Variants in TET3 observed in about 807,000 individuals in gnomAD.
TET3 encodes methylcytosine dioxygenase TET3.
Under a neutral mutation model 141.4 loss-of-function variants are expected in TET3, and 19 were observed. The observed-to-expected ratio is 0.13, with a 90% CI of 0.09 to 0.20. The LOEUF (loss-of-function observed/expected upper bound fraction) is 0.20, where lower values mean the gene tolerates loss of function less well. Ranked by LOEUF, TET3 falls within the 10% of genes least tolerant of loss-of-function variation. The pLI, the probability that TET3 is intolerant of heterozygous loss-of-function variation, is 1.00. For synonymous variants in TET3, 1,043 were observed against 980.9 expected (o/e 1.06, Z -1.18); for missense variants, 1,874 against 2,356.9 (o/e 0.80, Z 4.24).
chr2:73,983,845 A>T (rs1183125935), upstream of TET3, among the ~76,000 whole-genome samples: 2 of 152,192 alleles, frequency 1.3e-5, no homozygotes, highest in Non-Finnish European at 2.9e-5. Context: ...TGTATGTCAG[A>T]GACCCACCCT....
In TET3 at chr2:74,101,063, G is replaced by A. The variant is rs760464855; in HGVS notation, c.4275G>A (p.Val1425=). Residue 1425 remains valine, a synonymous_variant, in exon 12 of 12, where the codon GTG becomes GTA. Transcript: ENST00000409262. The surrounding 1 kb of genome is among the most constrained non-coding windows in gnomAD (Gnocchi z 8.5). ...GKMGKTPLSE[V]SQNGGPSHLW... is the part of the protein sequence containing the mutation. ...TGGGCAAGACACCTCTGTCCGAGGTGTCTCAGAATGGAGGACCCAGTCACC... is the reference window on the plus strand; with the variant it reads ...TGGGCAAGACACCTCTGTCCGAGGTATCTCAGAATGGAGGACCCAGTCACC... The A allele has an allele frequency of 1.9e-5, 31 of 1,612,618 alleles. No homozygotes were observed. In the East Asian group the frequency reaches 4.0e-4, roughly 21 times the overall value.
intron 8 of TET3, 102 bp downstream of exon 8, chr2:74,090,149 C>G: frequency 6.6e-7 from 1 of 1,505,342 alleles, no homozygotes; most frequent in Admixed American, 2.0e-5. Context: ...CTCAGATGCA[C>G]AGGAAGTGGA....
At chr2:73,997,337 ATTG>A in intron 2 of TET3, among the ~76,000 whole-genome samples, 1 of 152,070 alleles carries the variant, frequency 6.6e-6, no homozygotes, top group East Asian at 1.9e-4. Context: ...CTTATTTTTT[ATTG>A]ATTGATCTGC....
intron 3 of TET3, among the ~76,000 whole-genome samples, chr2:74,016,628 A>G (rs1685741811): frequency 6.6e-6 from 1 of 152,038 alleles, no homozygotes; most frequent in African/African-American, 2.4e-5. Flanking sequence ...AGGCTGAGGC[A>G]GGAGAATCGC....
chr2:74,101,095 G>T lies in TET3; in HGVS notation c.4307G>T (p.Gly1436Val), dbSNP rs1691181119. Residue 1436 changes from glycine (G) to valine (V), a missense_variant, in exon 12 of 12, where the codon GGA (glycine) becomes GTA (valine). Coordinates refer to ENST00000409262, the MANE Select transcript of TET3 (RefSeq NM_001287491.2). This position sits in a 1 kb window ranked among gnomAD's most constrained non-coding sequence, Gnocchi z 8.5. ...AATGGAGGACCCAGTCACCTTTGGGGACAGTACTCAGGAGGCCCAAGCATG... is the reference window on the plus strand; with the variant it reads ...AATGGAGGACCCAGTCACCTTTGGGTACAGTACTCAGGAGGCCCAAGCATG... ...SQNGGPSHLW[G>V]QYSGGPSMSP... 6.2e-7 allele frequency: 1 copy of T among 1,613,224 alleles called. No homozygotes were observed. Among genetic ancestry groups the T allele is most frequent in the East Asian group, 2.2e-5 (1 of 44,868 alleles).
At position 74,003,158 on chromosome 2, in the gene TET3, G is replaced by A. The variant is rs1184354651; in HGVS notation, c.352G>A (p.Ala118Thr). 2 of 1,550,046 alleles carry A rather than the reference G, an allele frequency of 1.3e-6. No individual in the cohort carries two copies. Among genetic ancestry groups the A allele is most frequent in the East Asian group, 4.9e-5 (2 of 40,934 alleles). Residue 118 changes from alanine to threonine, a missense_variant, in exon 3 of 12, where the codon GCT becomes ACT. Around this residue, in one of 10 missense-constraint regions of TET3, gnomAD observed 366 missense variants for 487.0 expected, o/e 0.75. Coordinates refer to ENST00000409262, the MANE Select transcript of TET3 (RefSeq NM_001287491.2). Reference sequence around the variant, plus strand: ...AGCCGGGCCGTGGGGACAAGGAGCGGCTGTCAAGGTACCTTGTGTGTGTGC... The same window carrying A: ...AGCCGGGCCGTGGGGACAAGGAGCGACTGTCAAGGTACCTTGTGTGTGTGC... ...EGAGPWGQGA[A>T]VKTGSELSPV...
intron 3 of TET3, among the ~76,000 whole-genome samples, chr2:74,031,965 C>T (rs1227404805): frequency 6.6e-6 from 1 of 152,208 alleles, no homozygotes; most frequent in East Asian, 1.9e-4. Context: ...TGCCACTCAC[C>T]AATTCTGAGC....
chr2:74,102,683 G>C lies in TET3; in HGVS notation c.*507G>C, dbSNP rs1047141090. ...CCCGCCCAGTCTCGCTGGGTCTGGC[G>C]AGCCAAGCCCCTCGGGCGCTGGCGA... On this transcript the variant is annotated 3_prime_UTR_variant, in exon 12 of 12. Transcript: ENST00000409262. The C allele has an allele frequency of 6.6e-6, 1 of 152,128 alleles. No homozygotes were observed. Among genetic ancestry groups the C allele is most frequent in the East Asian group, 1.9e-4 (1 of 5,180 alleles). The allele number at this position is 152,128 out of a possible 1,614,324, so 9.4% of individuals were successfully genotyped here. A position where few individuals can be genotyped will look rare whatever the true frequency, so the allele number is the denominator to read the frequency against.
chr2:74,081,502 G>A (rs1689821184), intron 6 of TET3, among the ~76,000 whole-genome samples: 2 of 152,248 alleles, frequency 1.3e-5, no homozygotes, highest in Non-Finnish European at 2.9e-5. Context: ...GCTCAAGCTA[G>A]GTTTCCCGAG....
intron 4 of TET3, among the ~76,000 whole-genome samples, chr2:74,051,472 TTCCCTCA>T (rs1687940311): frequency 6.6e-6 from 1 of 152,220 alleles, no homozygotes; most frequent in Non-Finnish European, 1.5e-5. Context: ...TGGATGACCT[TTCCCTCA>T]TGTGTTTTCT....
chr2:74,043,150 T>C (rs1687432868), intron 3 of TET3, among the ~76,000 whole-genome samples: 1 of 152,266 alleles, frequency 6.6e-6, no homozygotes, highest in Non-Finnish European at 1.5e-5. Flanking sequence ...TGGTTATGCA[T>C]GCTCTTTCCG....
chr2:74,023,816 G>A (rs879589502), intron 3 of TET3, among the ~76,000 whole-genome samples: 1 of 151,968 alleles, frequency 6.6e-6, no homozygotes, highest in Non-Finnish European at 1.5e-5. Flanking sequence ...TCTAATATTT[G>A]TTTTTTTCTT....
At chr2:74,076,582 T>C (rs867360354) in intron 5 of TET3, among the ~76,000 whole-genome samples, 1 of 151,552 alleles carries the variant, frequency 6.6e-6, no homozygotes, top group Admixed American at 6.6e-5. Flanking sequence ...GAAACCCCAC[T>C]GATTGTATTT....
chr2:73,998,879 T>C (rs1684718398), intron 2 of TET3, among the ~76,000 whole-genome samples: 1 of 152,072 alleles, frequency 6.6e-6, no homozygotes, highest in Admixed American at 6.5e-5. Flanking sequence ...CCAAGTGCCT[T>C]CAGTGTGTGG....
Position 73,986,296 on chromosome 2 carries a change from A to T in TET3, c.-108A>T. 9.6e-7 allele frequency: 1 copy of T among 1,044,812 alleles called. No individual in the cohort carries two copies. The highest frequency in any genetic ancestry group is 1.2e-6 in the Non-Finnish European group (1 of 818,040). The allele number at this position is 1,044,812 out of a possible 1,614,324, so 64.7% of individuals were successfully genotyped here. On this transcript the variant is annotated 5_prime_UTR_variant, in exon 2 of 12. Coordinates refer to ENST00000409262, the MANE Select transcript of TET3 (RefSeq NM_001287491.2). The stretch of plus-strand genomic sequence containing the variant: ...TGAAGCCACTTGCCTTCACCCTTGT[A>T]GACTCTTGACTGTTCTAGGCGAGAA...
chr2:74,127,360 G>A, the TET3 span, among the ~76,000 whole-genome samples: 1 of 152,076 alleles, frequency 6.6e-6, no homozygotes, highest in South Asian at 2.1e-4. Context: ...AATTATTAAT[G>A]GCTTTATTGA....
the TET3 span, among the ~76,000 whole-genome samples, chr2:74,115,370 G>A: frequency 1.3e-5 from 2 of 152,240 alleles, no homozygotes; most frequent in South Asian, 2.1e-4. Context: ...GCTAAGCCAC[G>A]GGATAAAAAG....
chr2:73,988,952 A>G (rs1684183374), intron 2 of TET3, among the ~76,000 whole-genome samples: 1 of 150,124 alleles, frequency 6.7e-6, no homozygotes, highest in Non-Finnish European at 1.5e-5. Context: ...GGTAAAATAC[A>G]AAATGGTAAC....
chr2:74,123,856 C>T, the TET3 span, among the ~76,000 whole-genome samples: 4 of 149,222 alleles, frequency 2.7e-5, no homozygotes, highest in East Asian at 3.9e-4. Context: ...ATGTGGGGAG[C>T]GCCTCTGCCC....
Sources: allele counts gnomAD v4.1 joint callset (sites outside exome capture counted in the v4.1 genomes callset), GRCh38; gene constraint gnomAD v4.1.1; regional missense constraint gnomAD v4.1.1; non-coding constraint Gnocchi (gnomAD v3.1); transcripts MANE v1.5; gene names NCBI Gene and HGNC (gene_info 2026-07-23, HGNC 2026-07-21).